MYBPC3: variants seen among roughly 807,000 people sequenced by gnomAD.
MYBPC3 encodes myosin-binding protein C, cardiac-type.
A neutral mutation model predicts 159.3 loss-of-function variants in MYBPC3; 108 were observed. The ratio of observed to expected loss-of-function variants is 0.68; its 90% CI spans 0.58 to 0.80. The LOEUF (loss-of-function observed/expected upper bound fraction) is 0.80. Among genes scored for constraint, MYBPC3 ranks in the 30% least tolerant of loss-of-function variants. The pLI is 0.00. For synonymous variants in MYBPC3, 730 were observed against 702.0 expected (o/e 1.04, Z -0.63); for missense variants, 1,631 against 1,762.1 (o/e 0.93, Z 1.33).
intron 20 of MYBPC3, among the ~76,000 whole-genome samples, chr11:47,340,074 C>G (rs1266221521): frequency 6.6e-6 from 1 of 151,952 alleles, no homozygotes; most frequent in Non-Finnish European, 1.5e-5. Flanking sequence ...ATTTTGAAAA[C>G]TGGGGGAACA....
At chr11:47,348,803 G>A (rs1196034511) in intron 5 of MYBPC3, among the ~76,000 whole-genome samples, 1 of 150,276 alleles carries the variant, frequency 6.7e-6, no homozygotes, top group East Asian at 2.0e-4. Context: ...TACTCGGGAG[G>A]CTGAGGTGGG....
In MYBPC3 at chr11:47,351,897, T is replaced by C. The variant is rs1486013999; in HGVS notation, c.26-392A>G. On this transcript the variant is annotated intron_variant, in intron 1 of 34. Transcript: ENST00000545968. This position sits in a 1 kb window ranked among gnomAD's most constrained non-coding sequence, Gnocchi z 4.2. The stretch of plus-strand genomic sequence containing the variant: ...CCTACTTGGAATGTGGCCAAATTTG[T>C]CCTCCAAGGACCTCAGGCTGGGTAT... 6.6e-6 allele frequency among the ~76,000 whole-genome samples: 1 copy of C among 152,186 alleles called. No homozygotes were observed. The highest frequency in any genetic ancestry group is 2.4e-5 in the African/African-American group (1 of 41,450).
At chr11:47,336,142 A>G (rs1595843119) in intron 25 of MYBPC3, 131 bp from the exon 26 acceptor site, 2 of 938,028 alleles carry the variant, frequency 2.1e-6, no homozygotes, top group East Asian at 3.2e-5. Context: ...GGCCACTTTA[A>G]GGAATATTTT....
rs1369307553 is a variant in MYBPC3 at position 47,346,309 on chromosome 11, G to T, written c.988C>A (p.Pro330Thr). The T allele has an allele frequency of 1.7e-5, 28 of 1,612,804 alleles. No individual in the cohort carries two copies. The highest frequency in any genetic ancestry group is 2.4e-5 in the Non-Finnish European group (28 of 1,179,374). The change falls in exon 12 of 35, where the codon CCA becomes ACA. Residue 330 changes from proline (P) to threonine (T), a missense_variant. Transcript: ENST00000545968. This position sits in a 1 kb window ranked among gnomAD's most constrained non-coding sequence, Gnocchi z 5.3. Reference protein sequence around the residue: ...DVWEILRQAPPSEYERIAFQY... With the variant: ...DVWEILRQAPTSEYERIAFQY... Reference sequence around the variant, plus strand: ...AAGGCGATGCGCTCGTACTCAGATGGGGGTGCCTGCCGTAGGATCTCCCAC... The same window carrying T: ...AAGGCGATGCGCTCGTACTCAGATGTGGGTGCCTGCCGTAGGATCTCCCAC...
At position 47,346,452 on chromosome 11, in the gene MYBPC3, C is replaced by A; in HGVS notation, c.927-82G>T. Reference sequence around the variant, plus strand: ...GCTTCCTGGGCCCAGGACCAAGGAGCTGTAGCCACCCCTGTCCCTCTGCCC... The same window carrying A: ...GCTTCCTGGGCCCAGGACCAAGGAGATGTAGCCACCCCTGTCCCTCTGCCC... On this transcript the variant is annotated intron_variant, in intron 11 of 34. Transcript: ENST00000545968. This position sits in a 1 kb window ranked among gnomAD's most constrained non-coding sequence, Gnocchi z 5.3. 6.8e-7 allele frequency: 1 copy of A among 1,470,654 alleles called. No individual in the cohort carries two copies. The highest frequency in any genetic ancestry group is 9.1e-7 in the Non-Finnish European group (1 of 1,104,254). The allele number at this position is 1,470,654 out of a possible 1,614,324, so 91.1% of individuals were successfully genotyped here.
rs397516004 is a variant in MYBPC3 at position 47,333,576 on chromosome 11, C to T, written c.3171G>A (p.Thr1057=). 9.4e-6 allele frequency: 15 copies of T among 1,600,612 alleles called. No homozygotes were observed. Among genetic ancestry groups the T allele is most frequent in the African/African-American group, 5.3e-5 (4 of 74,946 alleles). The change falls in exon 29 of 35, where the codon ACG becomes ACA. Residue 1057 remains threonine (T), a synonymous_variant. Coordinates refer to ENST00000545968, the MANE Select transcript of MYBPC3 (RefSeq NM_000256.3). Reference sequence around the variant, plus strand: ...ACGCACCAACAACCTGCAGCACCAGCGTGGCCTTGTCCTCCATGTTCTCAA... The same window carrying T: ...ACGCACCAACAACCTGCAGCACCAGTGTGGCCTTGTCCTCCATGTTCTCAA... ...VRIENMEDKA[T]LVLQVVDKPS... is the part of the protein sequence containing the mutation.
At position 47,341,195 on chromosome 11, in the gene MYBPC3, A is replaced by ACAC; in HGVS notation, c.1839_1840insGTG (p.Asp613_Tyr614insVal). 1 of 1,596,608 alleles carries ACAC rather than the reference A, an allele frequency of 6.3e-7. No homozygotes were observed. Among genetic ancestry groups the ACAC allele is most frequent in the Non-Finnish European group, 8.5e-7 (1 of 1,171,930 alleles). On this transcript the variant is annotated inframe_insertion, in exon 19 of 35. Coordinates refer to ENST00000545968, the MANE Select transcript of MYBPC3 (RefSeq NM_000256.3). The stretch of plus-strand genomic sequence containing the variant: ...GCGAAGCCCTCGGGCACAAAGCTGT[A>ACAC]GTCAGCCTCGTCGGCAGGTGTGACG...
chr11:47,345,416 C>A (rs1251456492), intron 12 of MYBPC3, among the ~76,000 whole-genome samples: 1 of 152,158 alleles, frequency 6.6e-6, no homozygotes, highest in Non-Finnish European at 1.5e-5. Flanking sequence ...AGGGACTAAC[C>A]AGCTCCTCTC....
chr11:47,351,233 T>C lies in MYBPC3; in HGVS notation c.292+6A>G. ...AAACCTCAGGGAAGGCTGATCAGGA[T>C]CTTACCTGCCTCTATGACCTTGAGG... On this transcript the variant is annotated splice_donor_region_variant and intron_variant, in intron 2 of 34. Coordinates refer to ENST00000545968, the MANE Select transcript of MYBPC3 (RefSeq NM_000256.3). The surrounding 1 kb of genome is among the most constrained non-coding windows in gnomAD (Gnocchi z 4.2). 6.6e-7 allele frequency: 1 copy of C among 1,511,828 alleles called. No homozygotes were observed. Among genetic ancestry groups the C allele is most frequent in the Admixed American group, 2.0e-5 (1 of 50,380 alleles). The allele number at this position is 1,511,828 out of a possible 1,614,324, so 93.7% of individuals were successfully genotyped here.
At position 47,349,871 on chromosome 11, in the gene MYBPC3, G is replaced by C; in HGVS notation, c.557C>G (p.Pro186Arg). ...ARVAGASLLKPPVVKWFKGKW... is the reference protein window; with the variant it reads ...ARVAGASLLKRPVVKWFKGKW... ...GCCCTTGAACCACTTGACCACAGGC[G>C]GCTTCAGGAGGCTGGCGCCGGCCAC... The change falls in exon 5 of 35, where the codon CCG becomes CGG. Residue 186 changes from proline to arginine, a missense_variant. Transcript: ENST00000545968. 1 of 1,612,060 alleles carries C rather than the reference G, an allele frequency of 6.2e-7. No homozygotes were observed. The highest frequency in any genetic ancestry group is 1.1e-5 in the South Asian group (1 of 90,694).
At position 47,346,191 on chromosome 11, in the gene MYBPC3, C is replaced by T. The variant is rs893288216; in HGVS notation, c.1090+16G>A. 3.7e-6 allele frequency: 6 copies of T among 1,613,264 alleles called. No individual in the cohort carries two copies. The African/African-American group carries it at 6.7e-5, about 18-fold the overall frequency. On this transcript the variant is annotated intron_variant, in intron 12 of 34. Coordinates refer to ENST00000545968, the MANE Select transcript of MYBPC3 (RefSeq NM_000256.3). This position sits in a 1 kb window ranked among gnomAD's most constrained non-coding sequence, Gnocchi z 5.3. The stretch of plus-strand genomic sequence containing the variant: ...TAGCCTGTGCCCTCTCCTCTCCCCT[C>T]TGAGGAAGGGCTAACCTGTGCTCTT...
chr11:47,341,229 G>T lies in MYBPC3; in HGVS notation c.1806C>A (p.Thr602=), dbSNP rs566461224. 1.3e-6 allele frequency: 2 copies of T among 1,590,752 alleles called. No individual in the cohort carries two copies. The highest frequency in any genetic ancestry group is 1.3e-5 in the African/African-American group (1 of 74,556). ...CGTCGGCAGGTGTGACGTCGTCAAT[G>T]GTCAGTTTGTGGACCCTGCAGGGGA... ...VSHIGRVHKL[T]IDDVTPADEA... Residue 602 remains threonine, a synonymous_variant, in exon 19 of 35, where the codon ACC becomes ACA. Coordinates refer to ENST00000545968, the MANE Select transcript of MYBPC3 (RefSeq NM_000256.3).
chr11:47,345,685 T>C (rs372049978), intron 12 of MYBPC3, among the ~76,000 whole-genome samples: 2 of 151,982 alleles, frequency 1.3e-5, no homozygotes, highest in African/African-American at 4.8e-5. Flanking sequence ...TGCCTGGGGG[T>C]GAGGGTAGTT....
rs878853834 is a variant in MYBPC3, at chr11:47,332,600, G to A, written c.3593C>T (p.Ala1198Val). 1.2e-6 allele frequency: 2 copies of A among 1,613,930 alleles called. No homozygotes were observed. The highest frequency in any genetic ancestry group is 2.7e-5 in the African/African-American group (2 of 75,062). Residue 1198 changes from alanine to valine, a missense_variant, in exon 32 of 35, where the codon GCT becomes GTT. Transcript: ENST00000545968. The surrounding 1 kb of genome is among the most constrained non-coding windows in gnomAD (Gnocchi z 4.2). Reference sequence around the variant, plus strand: ...ACCCCGGACAGCACAGCAGAGCATAGCAGTGTAGCCCGCGATGACCGAGCG... The same window carrying A: ...ACCCCGGACAGCACAGCAGAGCATAACAGTGTAGCCCGCGATGACCGAGCG... ...VNRSVIAGYT[A>V]MLCCAVRGSP...
chr11:47,349,406 A>C (rs2071305), intron 5 of MYBPC3, among the ~76,000 whole-genome samples: 45,178 of 151,750 alleles, frequency 0.3, 6,891 homozygotes, highest in Admixed American at 0.4. Flanking sequence ...TCACCCATCC[A>C]GGGGCTTTAC....
At position 47,343,056 on chromosome 11, in the gene MYBPC3, C is replaced by T. The variant is rs763045718; in HGVS notation, c.1316G>A (p.Gly439Asp). 5.6e-6 allele frequency: 9 copies of T among 1,613,166 alleles called. No homozygotes were observed. The highest frequency in any genetic ancestry group is 1.7e-5 in the Admixed American group (1 of 59,902). ...GAGCTCCGTGCTACACTTCTCGCCA[C>T]CCACCACGCACTGGTAGGCTGCGTC... ...ADDAAYQCVV[G>D]GEKCSTELFV... The change falls in exon 15 of 35, where the codon GGT becomes GAT. Residue 439 changes from glycine to aspartate, a missense_variant. By Grantham distance (94) the Gly-to-Asp change is moderately conservative. Coordinates refer to ENST00000545968, the MANE Select transcript of MYBPC3 (RefSeq NM_000256.3).
In MYBPC3 at chr11:47,332,375, A is replaced by C. The variant is rs1458940871; in HGVS notation, c.3628-117T>G. ...GGGGGTCCCACGAGAGTCCCTGACT[A>C]TGCCCAAGGCTGGAAACAAACATGG... On this transcript the variant is annotated intron_variant, in intron 32 of 34. Transcript: ENST00000545968. This position sits in a 1 kb window ranked among gnomAD's most constrained non-coding sequence, Gnocchi z 4.2. 7 of 1,437,032 alleles carry C rather than the reference A, an allele frequency of 4.9e-6. No homozygotes were observed. In the Admixed American group the frequency reaches 7.3e-5, roughly 15 times the overall value. The allele number at this position is 1,437,032 out of a possible 1,614,324, so 89.0% of individuals were successfully genotyped here. A position where few individuals can be genotyped will look rare whatever the true frequency, so the allele number is the denominator to read the frequency against.
Position 47,350,630 on chromosome 11 carries a change from A to T in MYBPC3, c.293-15T>A, listed in dbSNP as rs1420153777. 8 of 1,466,424 alleles carry T rather than the reference A, an allele frequency of 5.5e-6. No individual in the cohort carries two copies. The highest frequency in any genetic ancestry group is 6.3e-6 in the Non-Finnish European group (7 of 1,116,378). 90.8% of individuals were successfully genotyped at this position (1,466,424 alleles called of 1,614,324 possible). On this transcript the variant is annotated splice_polypyrimidine_tract_variant and intron_variant, in intron 2 of 34. Transcript: ENST00000545968. ...CTCTGCCTTCTCTGGAGGGGATCAG[A>T]TGGGAGTCGTGGTGCAGCCACTAAC...
chr11:47,351,373 T>TGACCA lies in MYBPC3; in HGVS notation c.157_158insTGGTC (p.Asn53MetfsTer16). 6.2e-7 allele frequency: 1 copy of TGACCA among 1,608,492 alleles called. No individual in the cohort carries two copies. Among genetic ancestry groups the TGACCA allele is most frequent in the Non-Finnish European group, 8.5e-7 (1 of 1,177,836 alleles). ...GCCCTCTGTGGCCAGGCCGTACTTGTTGCTGGCGCTGATGTCACTGCCTCC... is the reference window on the plus strand; with the variant it reads ...GCCCTCTGTGGCCAGGCCGTACTTGTGACCATGCTGGCGCTGATGTCACTGCCTCC... On this transcript the variant is annotated frameshift_variant, in exon 2 of 35. Coordinates refer to ENST00000545968, the MANE Select transcript of MYBPC3 (RefSeq NM_000256.3). LOFTEE classifies it high-confidence loss of function. This position sits in a 1 kb window ranked among gnomAD's most constrained non-coding sequence, Gnocchi z 4.2.
Sources: allele counts gnomAD v4.1 joint callset (sites outside exome capture counted in the v4.1 genomes callset), GRCh38; gene constraint gnomAD v4.1.1; non-coding constraint Gnocchi (gnomAD v3.1); transcripts MANE v1.5; gene names NCBI Gene and HGNC (gene_info 2026-07-23, HGNC 2026-07-21).